SLC4A8: variants seen among roughly 807,000 people sequenced by gnomAD.
The protein encoded by SLC4A8 is electroneutral sodium bicarbonate exchanger 1.
A neutral mutation model predicts 125.0 loss-of-function variants in SLC4A8; 40 were observed. The observed-to-expected ratio is 0.32, with a 90% CI of 0.25 to 0.42. SLC4A8 has a LOEUF of 0.42. Ranked by LOEUF, SLC4A8 falls within the 10% of genes least tolerant of loss-of-function variation. The pLI, the probability that SLC4A8 is intolerant of heterozygous loss-of-function variation, is 1.00. For missense variants in SLC4A8, 863 were observed against 1,355.1 expected (o/e 0.64, Z 5.70); for synonymous variants, 456 against 476.0 (o/e 0.96, Z 0.55).
chr12:51,440,996 A>C, intron 2 of SLC4A8: 1 of 1,049,316 alleles, frequency 9.5e-7, no homozygotes, highest in Middle Eastern at 3.4e-4. Context: ...ATTAGGATCT[A>C]ATTGCCTACA....
chr12:51,424,044 AAAAAAAAAACAAAAAAAACAAC>A (rs1948864671), upstream of SLC4A8, among the ~76,000 whole-genome samples: 3 of 48,206 alleles, frequency 6.2e-5, no homozygotes, highest in South Asian at 2.2e-3. Flanking sequence ...CTCCAAAAAA[AAAAAAAAAACAAAAAAAACAAC>A]AAAAAAAAAA....
intron 3 of SLC4A8, among the ~76,000 whole-genome samples, chr12:51,451,314 C>A (rs1949964167): frequency 6.6e-6 from 1 of 152,166 alleles, no homozygotes; most frequent in Non-Finnish European, 1.5e-5. Context: ...GATCTCCTGA[C>A]CTTGTGATCC....
At chr12:51,405,978 GGCATTAA>G (rs1226507317) in intron 1 of SLC4A8, among the ~76,000 whole-genome samples, 3 of 152,172 alleles carry the variant, frequency 2.0e-5, no homozygotes, top group African/African-American at 7.2e-5. Context: ...CAGATCATGT[GGCATTAA>G]ACAAATTGGA....
intron 16 of SLC4A8, among the ~76,000 whole-genome samples, chr12:51,482,500 C>A (rs1951056724): frequency 6.6e-6 from 1 of 152,090 alleles, no homozygotes; most frequent in Non-Finnish European, 1.5e-5. Context: ...CTGCCTCAGC[C>A]TCCTGTGTAG....
chr12:51,406,150 A>G (rs1412047512), intron 1 of SLC4A8, among the ~76,000 whole-genome samples: 2 of 152,206 alleles, frequency 1.3e-5, no homozygotes, highest in Admixed American at 6.5e-5. Context: ...AGTTGCATTT[A>G]CTTCTGCGTA....
At chr12:51,496,963 C>CT (rs772031770) in intron 21 of SLC4A8, 24 bp from the exon 22 acceptor site, 3,754 of 1,327,648 alleles carry the variant, frequency 2.8e-3, no homozygotes, top group Middle Eastern at 6.1e-3. Flanking sequence ...CTTTAATTCA[C>CT]TTTTTTTTTT....
rs555023702 is a variant in SLC4A8 at position 51,494,671 on chromosome 12, C to T, written c.2770-274C>T. On this transcript the variant is annotated intron_variant, in intron 20 of 24. Transcript: ENST00000453097. Reference sequence around the variant, plus strand: ...ATTGGTTTATTTTGTTTTCAACACCCCCTGAGAAAGAGCTCTCTTAGGAGA... The same window carrying T: ...ATTGGTTTATTTTGTTTTCAACACCTCCTGAGAAAGAGCTCTCTTAGGAGA... 6.2e-5 allele frequency: 18 copies of T among 291,112 alleles called. No homozygotes were observed. The East Asian group carries it at 1.0e-3, about 17-fold the overall frequency. 18.0% of individuals were successfully genotyped at this position (291,112 alleles called of 1,614,324 possible). A position where few individuals can be genotyped will look rare whatever the true frequency, so the allele number is the denominator to read the frequency against.
chr12:51,400,785 TACACACACAC>T (rs869278660), intron 1 of SLC4A8, among the ~76,000 whole-genome samples: 9 of 11,156 alleles, frequency 8.1e-4, no homozygotes, highest in African/African-American at 4.6e-3. Context: ...TATACATACA[TACACACACAC>T]ACACACATAT....
chr12:51,494,295 C>G (rs1240459696), intron 20 of SLC4A8: 1 of 153,018 alleles, frequency 6.5e-6, no homozygotes, highest in South Asian at 2.1e-4. Flanking sequence ...TGCTCTAAGT[C>G]TTTCAAAAAG....
At chr12:51,412,294 T>G (rs917723968) in intron 1 of SLC4A8, among the ~76,000 whole-genome samples, 1 of 152,218 alleles carries the variant, frequency 6.6e-6, no homozygotes, top group African/African-American at 2.4e-5. Flanking sequence ...TTTTTAAAAA[T>G]GTTCTAGTTG....
intron 15 of SLC4A8, chr12:51,474,667 C>T (rs1317786582): frequency 1.3e-6 from 1 of 748,164 alleles, no homozygotes; most frequent in Admixed American, 2.8e-5. Flanking sequence ...CTACATCCTA[C>T]CCAGTGACCC....
At chr12:51,445,009 G>A (rs1949728359) in intron 2 of SLC4A8, among the ~76,000 whole-genome samples, 1 of 152,160 alleles carries the variant, frequency 6.6e-6, no homozygotes, top group African/African-American at 2.4e-5. Flanking sequence ...TGCGGGGTTT[G>A]TAGGGAAGAG....
chr12:51,424,054 C>CAAAAA (rs1334821004), upstream of SLC4A8, among the ~76,000 whole-genome samples: 34 of 77,428 alleles, frequency 4.4e-4, 2 homozygotes, highest in African/African-American at 1.3e-3. Context: ...AAAAAAAAAA[C>CAAAAA]AAAAAAAACA....
At chr12:51,435,206 G>A (rs1949364004) in intron 1 of SLC4A8, among the ~76,000 whole-genome samples, 1 of 152,186 alleles carries the variant, frequency 6.6e-6, no homozygotes, top group Admixed American at 6.5e-5. Context: ...TACAATGTCT[G>A]ATTGTCTCTC....
chr12:51,410,876 C>CTTTTTTTTTTT (rs58043742), intron 1 of SLC4A8, among the ~76,000 whole-genome samples: 1 of 117,402 alleles, frequency 8.5e-6, no homozygotes, highest in African/African-American at 3.4e-5. Flanking sequence ...CTTTTCTTTT[C>CTTTTTTTTTTT]TTTTTTTTTT....
rs1950313426 is a variant in SLC4A8 at position 51,461,194 on chromosome 12, G to A, written c.1014-10G>A. 1.3e-6 allele frequency: 2 copies of A among 1,556,668 alleles called. No individual in the cohort carries two copies. The highest frequency in any genetic ancestry group is 1.4e-5 in the African/African-American group (1 of 73,626). ...ACTTACATAATTTCCTCCTCTGTGT[G>A]TTTTGCCAGATTTTTGTTTATCTTA... On this transcript the variant is annotated splice_polypyrimidine_tract_variant and intron_variant, in intron 8 of 24. Transcript: ENST00000453097.
chr12:51,432,135 G>A (rs1407951107), intron 1 of SLC4A8, among the ~76,000 whole-genome samples: 5 of 152,118 alleles, frequency 3.3e-5, no homozygotes, highest in African/African-American at 1.2e-4. Flanking sequence ...TGGGCCAGGC[G>A]CGGTGGCTCA....
chr12:51,448,694 G>T (rs927739096), intron 2 of SLC4A8, among the ~76,000 whole-genome samples: 1 of 152,150 alleles, frequency 6.6e-6, no homozygotes, highest in Non-Finnish European at 1.5e-5. Flanking sequence ...CTGCAACGTG[G>T]TGGGCTCTCA....
chr12:51,449,995 C>T (rs980812717), intron 2 of SLC4A8, among the ~76,000 whole-genome samples: 1 of 152,078 alleles, frequency 6.6e-6, no homozygotes, highest in African/African-American at 2.4e-5. Context: ...GGCTACTGCC[C>T]TCTAGCCTGG....
Sources: gnomAD v4.1 joint callset for allele counts (sites outside exome capture counted in the v4.1 genomes callset) on GRCh38, gnomAD v4.1.1 for gene constraint, MANE v1.5 for transcripts, NCBI Gene and HGNC (gene_info 2026-07-23, HGNC 2026-07-21) for gene names.